The following TRIM67 variants were observed in gnomAD, a reference collection of about 807,000 sequenced individuals.
TRIM67 encodes the protein tripartite motif containing 67.
Under a neutral mutation model 71.0 loss-of-function variants are expected in TRIM67, and 39 were observed. The observed-to-expected ratio is 0.55, with a 90% confidence interval of 0.43 to 0.72. The LOEUF (loss-of-function observed/expected upper bound fraction) is 0.72, where lower values mean the gene tolerates loss of function less well. TRIM67 is among the 30% of genes least tolerant of loss of function. The pLI is 0.00. For missense variants in TRIM67, 973 were observed against 1,079.2 expected (o/e 0.90, Z 1.38); for synonymous variants, 481 against 473.9 (o/e 1.01, Z -0.19).
In TRIM67 at chr1:231,219,123, G is replaced by C. The variant is rs533975586; in HGVS notation, c.*3683G>C. ...AGTGAGGGAGGGTCAATCCTTAGGG[G>C]GAGTCAACATGTGAATGCTAAAGAA... On this transcript the variant is annotated 3_prime_UTR_variant, in exon 10 of 10. Transcript: ENST00000366653. The C allele has an allele frequency of 1.0e-6, 1 of 985,432 alleles. No individual in the cohort carries two copies. The highest frequency in any genetic ancestry group is 1.2e-6 in the Non-Finnish European group (1 of 830,002). The allele number at this position is 985,432 out of a possible 1,614,324, so 61.0% of individuals were successfully genotyped here. A position where few individuals can be genotyped will look rare whatever the true frequency, so the allele number is the denominator to read the frequency against.
intron 1 of TRIM67, among the ~76,000 whole-genome samples, chr1:231,182,487 G>C (rs1355031211): frequency 6.6e-6 from 1 of 152,134 alleles, no homozygotes; most frequent in Non-Finnish European, 1.5e-5. Context: ...CCCAGAAAAG[G>C]GACATCTCAA....
chr1:231,197,321 T>A, intron 1 of TRIM67, 50 bp from the exon 2 acceptor site: 1 of 1,547,012 alleles, frequency 6.5e-7, no homozygotes, highest in East Asian at 2.2e-5. Context: ...GCAAATTTTC[T>A]GTGCCTTTCA....
chr1:231,171,558 C>T (rs1235829618), intron 1 of TRIM67, among the ~76,000 whole-genome samples: 1 of 152,058 alleles, frequency 6.6e-6, no homozygotes, highest in East Asian at 1.9e-4. Flanking sequence ...ACAAGGGAAC[C>T]TCAGGAATAG....
rs1684038615 is a variant in TRIM67, at chr1:231,217,297, A to C, written c.*1857A>C. On this transcript the variant is annotated 3_prime_UTR_variant, in exon 10 of 10. Transcript: ENST00000366653. ...GGAGCTATCTGCTTCATGGAAGTCT[A>C]GGTCTTGCCTCTTCCTTGTCATCTC... The C allele has an allele frequency of 1.0e-6, 1 of 985,912 alleles. No homozygotes were observed. The highest frequency in any genetic ancestry group is 4.7e-5 in the South Asian group (1 of 21,288). The allele number at this position is 985,912 out of a possible 1,614,324, so 61.1% of individuals were successfully genotyped here. A position where few individuals can be genotyped will look rare whatever the true frequency, so the allele number is the denominator to read the frequency against.
At chr1:231,199,451 C>T (rs1056067231) in intron 3 of TRIM67, among the ~76,000 whole-genome samples, 1 of 152,188 alleles carries the variant, frequency 6.6e-6, no homozygotes, top group African/African-American at 2.4e-5. Flanking sequence ...TCTCATTTTG[C>T]AGAGCAGAAG....
At chr1:231,204,119 C>T in intron 6 of TRIM67, 107 bp downstream of exon 6, 3 of 1,497,662 alleles carry the variant, frequency 2.0e-6, no homozygotes, top group African/African-American at 1.4e-5. Flanking sequence ...CATTGTGTTG[C>T]CATCCTGAGG....
chr1:231,216,380 A>C lies in TRIM67; in HGVS notation c.*940A>C. 1 of 985,470 alleles carries C rather than the reference A, an allele frequency of 1.0e-6. No individual in the cohort carries two copies. Among genetic ancestry groups the C allele is most frequent in the African/African-American group, 1.7e-5 (1 of 57,378 alleles). The allele number at this position is 985,470 out of a possible 1,614,324, so 61.0% of individuals were successfully genotyped here. A position where few individuals can be genotyped will look rare whatever the true frequency, so the allele number is the denominator to read the frequency against. Reference sequence around the variant, plus strand: ...TCCACGTGAAAACACAAGAATTTTAACAACTATGTCATAGGTCTTCGCCTG... The same window carrying C: ...TCCACGTGAAAACACAAGAATTTTACCAACTATGTCATAGGTCTTCGCCTG... On this transcript the variant is annotated 3_prime_UTR_variant, in exon 10 of 10. Transcript: ENST00000366653.
chr1:231,209,382 C>T lies in TRIM67; in HGVS notation c.2123+132C>T, dbSNP rs138840359. On this transcript the variant is annotated intron_variant, in intron 8 of 9. Coordinates refer to ENST00000366653, the MANE Select transcript of TRIM67 (RefSeq NM_001004342.5). This position sits in a 1 kb window ranked among gnomAD's most constrained non-coding sequence, Gnocchi z 4.1. ...AGGAGGTATTTTCAGCCACTTTGGTCTCCATTTTCTAGGAGGCCTTCACTC... is the reference window on the plus strand; with the variant it reads ...AGGAGGTATTTTCAGCCACTTTGGTTTCCATTTTCTAGGAGGCCTTCACTC... 1 of 1,061,926 alleles carries T rather than the reference C, an allele frequency of 9.4e-7. No individual in the cohort carries two copies. Among genetic ancestry groups the T allele is most frequent in the Non-Finnish European group, 1.3e-6 (1 of 762,174 alleles). The allele number at this position is 1,061,926 out of a possible 1,614,324, so 65.8% of individuals were successfully genotyped here. A position where few individuals can be genotyped will look rare whatever the true frequency, so the allele number is the denominator to read the frequency against.
intron 1 of TRIM67, among the ~76,000 whole-genome samples, chr1:231,165,182 C>T (rs1462093228): frequency 6.6e-6 from 1 of 152,110 alleles, no homozygotes; most frequent in East Asian, 1.9e-4. Flanking sequence ...GCCAGGGAAG[C>T]TGATAAACAT....
At chr1:231,176,819 G>A (rs1682759784) in intron 1 of TRIM67, among the ~76,000 whole-genome samples, 1 of 144,878 alleles carries the variant, frequency 6.9e-6, no homozygotes, top group Non-Finnish European at 1.5e-5. Flanking sequence ...TTAAATTTCA[G>A]TGAAGAACAG....
chr1:231,210,407 C>A (rs1208906715), intron 8 of TRIM67, among the ~76,000 whole-genome samples: 1 of 151,840 alleles, frequency 6.6e-6, no homozygotes. Context: ...TGCCTGAGGG[C>A]CCTCAGGACC....
At chr1:231,210,761 C>A (rs1683844677) in intron 8 of TRIM67, among the ~76,000 whole-genome samples, 1 of 151,848 alleles carries the variant, frequency 6.6e-6, no homozygotes, top group Admixed American at 6.6e-5. Context: ...GGGGCTTAGG[C>A]TGGAATGGTG....
chr1:231,203,477 A>G (rs1203479956), intron 5 of TRIM67, among the ~76,000 whole-genome samples: 1 of 152,164 alleles, frequency 6.6e-6, no homozygotes, highest in African/African-American at 2.4e-5. Flanking sequence ...TGTGCCACGC[A>G]CAGGGAGCCT....
rs746184045 is a variant in TRIM67 at position 231,206,664 on chromosome 1, G to A, written c.1693G>A (p.Gly565Ser). ...AGGQFREVYV[G>S]KETLCTIDGL... ...TGCTCTCTTTCAGGAAGTGTACGTC[G>A]GTAAGGAGACTTTGTGTACCATCGA... is the stretch of plus-strand genomic sequence containing the variant. Residue 565 changes from glycine (G) to serine (S), a missense_variant, in exon 7 of 10, where the codon GGT becomes AGT. Gly to Ser is a moderately conservative substitution (Grantham distance 56, BLOSUM62 0). This residue lies in a region of TRIM67 where 795 missense variants were observed against 831.3 expected (regional missense o/e 0.96). Transcript: ENST00000366653. The A allele has an allele frequency of 6.2e-6, 10 of 1,604,612 alleles. No homozygotes were observed. Among genetic ancestry groups the A allele is most frequent in the South Asian group, 2.2e-5 (2 of 89,202 alleles).
intron 1 of TRIM67, chr1:231,186,133 T>G: frequency 6.5e-7 from 1 of 1,533,202 alleles, no homozygotes. Context: ...GGTGAATGGA[T>G]GAAGGGCTTG....
chr1:231,167,994 C>T (rs1270996850), intron 1 of TRIM67, among the ~76,000 whole-genome samples: 1 of 151,492 alleles, frequency 6.6e-6, no homozygotes, highest in African/African-American at 2.4e-5. Flanking sequence ...CAGGGTCTCT[C>T]TCTGTTGCCC....
In TRIM67 at chr1:231,219,200, C is replaced by T; in HGVS notation, c.*3760C>T. On this transcript the variant is annotated 3_prime_UTR_variant, in exon 10 of 10. Transcript: ENST00000366653. ...GCCAGGGTTTCTCAACCTCTACTGA[C>T]ATTTTGCGATAGGTTCTGTATGCCG... 5.1e-6 allele frequency: 5 copies of T among 985,468 alleles called. No homozygotes were observed. Among genetic ancestry groups the T allele is most frequent in the Non-Finnish European group, 6.0e-6 (5 of 829,994 alleles). 61.0% of individuals were successfully genotyped at this position (985,468 alleles called of 1,614,324 possible). A position where few individuals can be genotyped will look rare whatever the true frequency, so the allele number is the denominator to read the frequency against.
At chr1:231,191,744 T>C (rs1261425464) in intron 1 of TRIM67, among the ~76,000 whole-genome samples, 1 of 152,160 alleles carries the variant, frequency 6.6e-6, no homozygotes, top group African/African-American at 2.4e-5. Flanking sequence ...CTCCATGCCC[T>C]AGAAACAGTA....
chr1:231,209,126 G>C lies in TRIM67; in HGVS notation c.1999G>C (p.Ala667Pro), dbSNP rs779861455. The C allele has an allele frequency of 6.2e-7, 1 of 1,613,958 alleles. No individual in the cohort carries two copies. Among genetic ancestry groups the C allele is most frequent in the South Asian group, 1.1e-5 (1 of 91,064 alleles). The change falls in exon 8 of 10, where the codon GCC becomes CCC. Residue 667 changes from alanine (A) to proline (P), a missense_variant. Transcript: ENST00000366653. The surrounding 1 kb of genome is among the most constrained non-coding windows in gnomAD (Gnocchi z 4.1). ...CCGGTACGACAACCACCCAGACCCC[G>C]CCTTCGGGGTGGCCAGGGCCAGCGT... ...VDRYDNHPDPAFGVARASVVK... is the reference protein window; with the variant it reads ...VDRYDNHPDPPFGVARASVVK...
Sources: gnomAD v4.1 joint callset for allele counts (sites outside exome capture counted in the v4.1 genomes callset) on GRCh38, gnomAD v4.1.1 for gene constraint, gnomAD v4.1.1 regional missense constraint, Gnocchi (gnomAD v3.1) non-coding constraint, MANE v1.5 for transcripts, NCBI Gene and HGNC (gene_info 2026-07-23, HGNC 2026-07-21) for gene names.